Variants in MAX observed in about 807,000 individuals in gnomAD.
The protein encoded by MAX is MYC associated transcriptional regulator X.
MAX carries 3 observed loss-of-function variants against 22.3 expected under a neutral mutation model. The observed-to-expected ratio is 0.13, with a 90% CI of 0.06 to 0.35. MAX has a LOEUF of 0.35. Among genes scored for constraint, MAX ranks in the 10% least tolerant of loss-of-function variants. MAX has a pLI of 1.00. For synonymous variants in MAX, 72 were observed against 77.7 expected (o/e 0.93, Z 0.39); for missense variants, 119 against 209.4 (o/e 0.57, Z 2.66).
Position 65,075,406 on chromosome 14 carries a change from G to C in MAX, c.*1070C>G, listed in dbSNP as rs769606544. The stretch of plus-strand genomic sequence containing the variant: ...ATCACACAATGGAGACAGGTTCCAG[G>C]ACAGTAGGAAAGGAAGTGGGATGAG... On this transcript the variant is annotated 3_prime_UTR_variant, in exon 5 of 5. Transcript: ENST00000358664. The surrounding 1 kb of genome is among the most constrained non-coding windows in gnomAD (Gnocchi z 4.1). 4.7e-6 allele frequency: 5 copies of C among 1,063,464 alleles called. No individual in the cohort carries two copies. Among genetic ancestry groups the C allele is most frequent in the Non-Finnish European group, 5.7e-6 (5 of 877,808 alleles). 65.9% of individuals were successfully genotyped at this position (1,063,464 alleles called of 1,614,324 possible).
At position 65,093,753 on chromosome 14, in the gene MAX, G is replaced by A. The variant is rs2063580765; in HGVS notation, c.126C>T (p.Ser42=). 6.2e-7 allele frequency: 1 copy of A among 1,612,692 alleles called. No homozygotes were observed. The highest frequency in any genetic ancestry group is 8.5e-7 in the Non-Finnish European group (1 of 1,178,662). ...ERKRRDHIKD[S]FHSLRDSVPS... ...GGACTGAGTCCCGCAAACTGTGAAA[G>A]CTGTCTTTGATGTGGTCCCTACGTT... Residue 42 remains serine (S), a synonymous_variant, in exon 3 of 5, where the codon AGC becomes AGT. Coordinates refer to ENST00000358664, the MANE Select transcript of MAX (RefSeq NM_002382.5). This position sits in a 1 kb window ranked among gnomAD's most constrained non-coding sequence, Gnocchi z 4.4.
At chr14:65,050,998 A>C (rs956675214) in intron 3 of MAX, among the ~76,000 whole-genome samples, 20 of 152,256 alleles carry the variant, frequency 1.3e-4, no homozygotes, top group African/African-American at 4.8e-4. Flanking sequence ...CTTCTACAAC[A>C]AAGTTCACTG....
At chr14:65,086,043 G>A (rs535973760) in intron 3 of MAX, among the ~76,000 whole-genome samples, 15 of 152,238 alleles carry the variant, frequency 9.9e-5, no homozygotes, top group Admixed American at 4.6e-4. Context: ...AATAAATTTC[G>A]TGAGAGCTGA....
chr14:65,022,818 C>G (rs531389377), intron 3 of MAX, among the ~76,000 whole-genome samples: 7 of 152,254 alleles, frequency 4.6e-5, no homozygotes, highest in African/African-American at 1.7e-4. Flanking sequence ...TTCTTCACAA[C>G]TCGTGGACCC....
intron 3 of MAX, among the ~76,000 whole-genome samples, chr14:65,053,697 CAG>C (rs1184674324): frequency 6.6e-6 from 1 of 151,356 alleles, no homozygotes; most frequent in Non-Finnish European, 1.5e-5. Context: ...GTGTTGTAAA[CAG>C]AGACTGTAAT....
intron 3 of MAX, chr14:65,090,153 T>C (rs1246273880): frequency 2.0e-5 from 3 of 152,200 alleles, no homozygotes; most frequent in Non-Finnish European, 2.9e-5. Context: ...ATTTCTGTAG[T>C]AGCCGTGGTA....
intron 3 of MAX, among the ~76,000 whole-genome samples, chr14:65,043,828 C>CAAAAAAAAAA (rs749243788): frequency 3.9e-4 from 25 of 64,244 alleles, no homozygotes; most frequent in African/African-American, 1.1e-3. Context: ...GACTCCGTCT[C>CAAAAAAAAAA]AAAAAAAAAA....
chr14:65,020,614 A>G (rs560494286), intron 3 of MAX, among the ~76,000 whole-genome samples: 60 of 150,752 alleles, frequency 4.0e-4, no homozygotes, highest in Non-Finnish European at 7.7e-4. Context: ...TTGTATTTTT[A>G]GTAGAGATTG....
At chr14:65,102,170 GCACTC>G in intron 1 of MAX, 129 bp downstream of exon 1, 1 of 1,495,490 alleles carries the variant, frequency 6.7e-7, no homozygotes, top group Non-Finnish European at 9.1e-7. Context: ...CGCGACGGAG[GCACTC>G]CTGGCCCCGA....
At position 65,029,538 on chromosome 14, in the gene MAX, T is replaced by C. The variant is rs997433959; in HGVS notation, c.172-23254A>G. ...AAAAAATCAAATCACAGTGAACTCA[T>C]AGCAAGCACTATTTTTTCTCAGTTC... On this transcript the variant is annotated intron_variant, in intron 3 of 3. Coordinates refer to the MAX transcript ENST00000341653. The surrounding 1 kb of genome is among the most constrained non-coding windows in gnomAD (Gnocchi z 4.7). Among the ~76,000 whole-genome samples, 5 of 152,248 alleles carry C rather than the reference T, an allele frequency of 3.3e-5. No homozygotes were observed. The highest frequency in any genetic ancestry group is 7.3e-5 in the Non-Finnish European group (5 of 68,044).
At chr14:65,099,699 G>C (rs985046954) in intron 2 of MAX, among the ~76,000 whole-genome samples, 1 of 146,964 alleles carries the variant, frequency 6.8e-6, no homozygotes, top group Admixed American at 6.6e-5. Flanking sequence ...GAGACTTGCA[G>C]GGAAAAAAAA....
At chr14:65,065,191 T>TC (rs1328904831) in intron 3 of MAX, among the ~76,000 whole-genome samples, 1 of 152,100 alleles carries the variant, frequency 6.6e-6, no homozygotes, top group Admixed American at 6.5e-5. Flanking sequence ...GGCCTGGGCC[T>TC]CCTATAACCA....
chr14:65,051,491 A>G (rs1171572534), intron 3 of MAX, among the ~76,000 whole-genome samples: 2 of 151,892 alleles, frequency 1.3e-5, no homozygotes, highest in African/African-American at 2.4e-5. Context: ...CATGCCTGTA[A>G]TCCCAGCTAC....
chr14:65,007,869 C>T lies in MAX; in HGVS notation c.172-1585G>A, dbSNP rs1161163288. 1.3e-5 allele frequency among the ~76,000 whole-genome samples: 2 copies of T among 152,146 alleles called. No homozygotes were observed. Among genetic ancestry groups the T allele is most frequent in the African/African-American group, 4.8e-5 (2 of 41,432 alleles). On this transcript the variant is annotated intron_variant, in intron 3 of 3. Transcript: ENST00000341653. The surrounding 1 kb of genome is among the most constrained non-coding windows in gnomAD (Gnocchi z 4.9). ...TCTCCTGGGCAAGGAGACGGGTGCTCCTCAGAAGTGAGAAATATTGATAAT... is the reference window on the plus strand; with the variant it reads ...TCTCCTGGGCAAGGAGACGGGTGCTTCTCAGAAGTGAGAAATATTGATAAT...
In MAX at chr14:65,088,332, T is replaced by A. The variant is rs945943457; in HGVS notation, c.171+5376A>T. ...AAGCCCTTGGAGGTTTTCAGCAGCA[T>A]GCAAATAATTTATAAGAAATTAAAT... On this transcript the variant is annotated intron_variant, in intron 3 of 4. Coordinates refer to ENST00000358664, the MANE Select transcript of MAX (RefSeq NM_002382.5). This position sits in a 1 kb window ranked among gnomAD's most constrained non-coding sequence, Gnocchi z 5.2. 6.6e-6 allele frequency among the ~76,000 whole-genome samples: 1 copy of A among 152,322 alleles called. No homozygotes were observed. The highest frequency in any genetic ancestry group is 2.1e-4 in the South Asian group (1 of 4,832).
At chr14:65,008,529 A>G (rs2061631414) in intron 3 of MAX, among the ~76,000 whole-genome samples, 1 of 152,266 alleles carries the variant, frequency 6.6e-6, no homozygotes, top group Admixed American at 6.5e-5. Context: ...TTTGAGAGAG[A>G]GAATCACTGG....
At position 65,027,353 on chromosome 14, in the gene MAX, G is replaced by A; in HGVS notation, c.172-21069C>T. ...GAGAGGTTCCCCTCAACTTTTGAGG[G>A]AGTGGGGGATCATTGGAAAGGCCTG... On this transcript the variant is annotated intron_variant, in intron 3 of 3. Transcript: ENST00000341653. This position sits in a 1 kb window ranked among gnomAD's most constrained non-coding sequence, Gnocchi z 5.7. 6.5e-7 allele frequency: 1 copy of A among 1,550,078 alleles called. No homozygotes were observed.
chr14:65,021,518 G>A (rs2061885908), intron 3 of MAX, among the ~76,000 whole-genome samples: 1 of 152,140 alleles, frequency 6.6e-6, no homozygotes, highest in African/African-American at 2.4e-5. Flanking sequence ...CATTTTTCCT[G>A]GCCAGGTGCT....
downstream of MAX, among the ~76,000 whole-genome samples, chr14:65,071,955 A>G (rs2062991727): frequency 2.0e-5 from 3 of 152,226 alleles, no homozygotes. This position sits in a 1 kb window ranked among gnomAD's most constrained non-coding sequence, Gnocchi z 4.2. Flanking sequence ...TCCCTTCCCA[A>G]GGGAACTTTG....
Sources: gnomAD v4.1 joint callset for allele counts (sites outside exome capture counted in the v4.1 genomes callset) on GRCh38, gnomAD v4.1.1 for gene constraint, Gnocchi (gnomAD v3.1) non-coding constraint, MANE v1.5 for transcripts, NCBI Gene and HGNC (gene_info 2026-07-23, HGNC 2026-07-21) for gene names.